ERBB4: variants seen among roughly 807,000 people sequenced by gnomAD.
ERBB4 encodes the protein receptor tyrosine-protein kinase erbB-4.
ERBB4 carries 42 observed loss-of-function variants against 158.0 expected under a neutral mutation model. The ratio of observed to expected loss-of-function variants is 0.27; its 90% confidence interval spans 0.21 to 0.34. ERBB4 has a LOEUF of 0.34. Among genes scored for constraint, ERBB4 ranks in the 10% least tolerant of loss-of-function variants. The pLI, the probability that ERBB4 is intolerant of heterozygous loss-of-function variation, is 1.00. For missense variants in ERBB4, 1,333 were observed against 1,624.1 expected, an observed-to-expected ratio of 0.82 and a Z score of 3.08; for synonymous variants, 583 against 558.7, an observed-to-expected ratio of 1.04 and a Z score of -0.61.
At chr2:212,348,124 A>T (rs937140368) in intron 1 of ERBB4, among the ~76,000 whole-genome samples, 1 of 152,136 alleles carries the variant, frequency 6.6e-6, no homozygotes, top group African/African-American at 2.4e-5. Context: ...TTCCTCCAAA[A>T]ATGTCACAGG....
At chr2:212,410,893 T>C (rs1346148154) in intron 1 of ERBB4, among the ~76,000 whole-genome samples, 1 of 152,112 alleles carries the variant, frequency 6.6e-6, no homozygotes, top group Non-Finnish European at 1.5e-5. Context: ...GATTATTTAC[T>C]GTTAATTTGT....
At chr2:211,498,560 A>T (rs944737761) in intron 20 of ERBB4, among the ~76,000 whole-genome samples, 1 of 152,170 alleles carries the variant, frequency 6.6e-6, no homozygotes, top group South Asian at 2.1e-4. Flanking sequence ...AATACACATT[A>T]TGTTACATAA....
intron 1 of ERBB4, among the ~76,000 whole-genome samples, chr2:212,284,649 T>A (rs2085890127): frequency 6.6e-6 from 1 of 152,190 alleles, no homozygotes; most frequent in Non-Finnish European, 1.5e-5. Flanking sequence ...AGTATCTTTT[T>A]GCCTGTGTAT....
At chr2:212,380,393 A>G (rs2106409712) in intron 1 of ERBB4, among the ~76,000 whole-genome samples, 1 of 151,162 alleles carries the variant, frequency 6.6e-6, no homozygotes, top group East Asian at 1.9e-4. Context: ...AAATACTACC[A>G]TTTTATACCA....
intron 12 of ERBB4, among the ~76,000 whole-genome samples, chr2:211,681,301 A>G (rs2072322753): frequency 6.6e-6 from 1 of 152,214 alleles, no homozygotes; most frequent in Admixed American, 6.5e-5. Flanking sequence ...TAAAAATAGT[A>G]GTAGTAGATT....
intron 1 of ERBB4, among the ~76,000 whole-genome samples, chr2:212,381,783 C>T (rs1177616045): frequency 6.6e-6 from 1 of 151,258 alleles, no homozygotes; most frequent in Non-Finnish European, 1.5e-5. Flanking sequence ...TCACAGATAA[C>T]CAAGTCTTGA....
chr2:212,361,643 A>G (rs1410897273), intron 1 of ERBB4, among the ~76,000 whole-genome samples: 1 of 151,728 alleles, frequency 6.6e-6, no homozygotes, highest in African/African-American at 2.4e-5. Flanking sequence ...TTAACAAAGT[A>G]GAACAATAGT....
At chr2:211,506,416 A>T (rs2065751661) in intron 20 of ERBB4, among the ~76,000 whole-genome samples, 1 of 151,866 alleles carries the variant, frequency 6.6e-6, no homozygotes, top group African/African-American at 2.4e-5. Context: ...TGGACCTAAT[A>T]GACATTTATA....
intron 16 of ERBB4, among the ~76,000 whole-genome samples, chr2:211,655,299 G>A (rs930719143): frequency 2.0e-5 from 3 of 152,082 alleles, no homozygotes; most frequent in Non-Finnish European, 2.9e-5. Context: ...CTTCCCCCGG[G>A]AAGCACGTTC....
intron 2 of ERBB4, among the ~76,000 whole-genome samples, chr2:212,001,546 T>A (rs1480148684): frequency 6.6e-6 from 1 of 152,222 alleles, no homozygotes; most frequent in African/African-American, 2.4e-5. Flanking sequence ...AAACCTTAGC[T>A]ACAGCTACTA....
chr2:212,134,029 G>C (rs1171771192), intron 1 of ERBB4, among the ~76,000 whole-genome samples: 1 of 151,998 alleles, frequency 6.6e-6, no homozygotes, highest in Non-Finnish European at 1.5e-5. Context: ...CAATTGATGG[G>C]TAATAGTCAT....
chr2:211,458,867 C>T (rs895909602), intron 20 of ERBB4, among the ~76,000 whole-genome samples: 1 of 152,090 alleles, frequency 6.6e-6, no homozygotes, highest in Non-Finnish European at 1.5e-5. Context: ...CTGAAATGAG[C>T]AAAGTCATAG....
rs566831993 is a variant in ERBB4, at chr2:211,862,126, A to G, written c.422-73967T>C. Among the ~76,000 whole-genome samples the G allele has an allele frequency of 3.3e-5, 5 of 152,314 alleles. No individual in the cohort carries two copies. The South Asian group carries it at 1.0e-3, about 32-fold the overall frequency. Reference sequence around the variant, plus strand: ...AGGTAGTGCCATATCTCTCTTAAAAATCTCATTCAAGATTCTGATTGCATG... The same window carrying G: ...AGGTAGTGCCATATCTCTCTTAAAAGTCTCATTCAAGATTCTGATTGCATG... On this transcript the variant is annotated intron_variant, in intron 3 of 27. Transcript: ENST00000342788.
chr2:211,942,330 T>TTTTATTTATTTATTTA (rs200095181), intron 3 of ERBB4, among the ~76,000 whole-genome samples: 1 of 145,740 alleles, frequency 6.9e-6, no homozygotes. Flanking sequence ...GGATGAAGCA[T>TTTTATTTATTTATTTA]TTTATTTATT....
At chr2:212,229,599 T>G (rs1338571020) in intron 1 of ERBB4, among the ~76,000 whole-genome samples, 1 of 152,008 alleles carries the variant, frequency 6.6e-6, no homozygotes, top group East Asian at 1.9e-4. Context: ...CATAGTCAGG[T>G]TCAATTCACA....
At chr2:212,176,298 T>C (rs2081660838) in intron 1 of ERBB4, among the ~76,000 whole-genome samples, 1 of 151,918 alleles carries the variant, frequency 6.6e-6, no homozygotes, top group Non-Finnish European at 1.5e-5. Context: ...AAAGTGATGG[T>C]ATTTCAGGGT....
chr2:211,790,841 G>C (rs2076263567), intron 3 of ERBB4, among the ~76,000 whole-genome samples: 1 of 151,790 alleles, frequency 6.6e-6, no homozygotes, highest in Non-Finnish European at 1.5e-5. Context: ...TTCTGCTGTT[G>C]AATGTCAAAG....
At chr2:212,057,579 T>G (rs1279014064) in intron 2 of ERBB4, among the ~76,000 whole-genome samples, 1 of 152,124 alleles carries the variant, frequency 6.6e-6, no homozygotes, top group African/African-American at 2.4e-5. Context: ...TAACAAACTG[T>G]CTCTCAGACC....
intron 1 of ERBB4, among the ~76,000 whole-genome samples, chr2:212,476,402 A>G (rs995532952): frequency 8.5e-5 from 13 of 152,100 alleles, no homozygotes; most frequent in African/African-American, 2.9e-4. Flanking sequence ...AGGTAAACAC[A>G]CGGCATAGAA....
Sources: allele counts gnomAD v4.1 joint callset (sites outside exome capture counted in the v4.1 genomes callset), GRCh38; gene constraint gnomAD v4.1.1; transcripts MANE v1.5; gene names NCBI Gene and HGNC (gene_info 2026-07-23, HGNC 2026-07-21).